The following CASK variants were observed in gnomAD, a reference collection of about 807,000 sequenced individuals.
CASK encodes peripheral plasma membrane protein CASK.
A neutral mutation model predicts 82.9 loss-of-function variants in CASK; 4 were observed. The observed-to-expected ratio is 0.05, with a 90% CI of 0.02 to 0.11. The LOEUF is 0.11. Ranked by LOEUF, CASK falls within the 10% of genes least tolerant of loss-of-function variation. The pLI, the probability that CASK is intolerant of heterozygous loss-of-function variation, is 1.00. For missense variants in CASK, 358 were observed against 720.9 expected (o/e 0.50, Z 5.76); for synonymous variants, 259 against 253.5 (o/e 1.02, Z -0.20).
At chrX:41,879,738 A>G (rs1463691783) in intron 1 of CASK, among the ~76,000 whole-genome samples, 1 of 112,153 alleles carries the variant, frequency 8.9e-6, no homozygotes, top group Non-Finnish European at 1.9e-5. Context: ...CCCAAACAGA[A>G]ATATTTGGTG....
At chrX:41,706,592 T>C (rs2067889306) in intron 5 of CASK, among the ~76,000 whole-genome samples, 1 of 112,118 alleles carries the variant, frequency 8.9e-6, no homozygotes, top group South Asian at 3.7e-4. Context: ...AGAGGATTTA[T>C]AGAAGATAAA....
intron 4 of CASK, among the ~76,000 whole-genome samples, chrX:41,743,045 T>A (rs1376417186): frequency 8.9e-6 from 1 of 112,287 alleles, no homozygotes; most frequent in Non-Finnish European, 1.9e-5. Context: ...ATCTCAAGAT[T>A]AGGAGAGACC....
intron 14 of CASK, among the ~76,000 whole-genome samples, chrX:41,582,606 C>T (rs931625328): frequency 2.1e-4 from 24 of 112,139 alleles, no homozygotes; most frequent in African/African-American, 6.1e-4. Context: ...AGCCACCATG[C>T]CTGGCCTTAT....
In CASK at chrX:41,719,382, G is replaced by A. The variant is rs143378785; in HGVS notation, c.429+20002C>T. On this transcript the variant is annotated intron_variant, in intron 5 of 26. Transcript: ENST00000378163. Reference sequence around the variant, plus strand: ...AGATGGATCCAACTCCTGGGGAGTTGGTTCACTGGATGCACAAGGAAATGC... The same window carrying A: ...AGATGGATCCAACTCCTGGGGAGTTAGTTCACTGGATGCACAAGGAAATGC... Among the ~76,000 whole-genome samples the A allele has an allele frequency of 8.8e-3, 983 of 111,989 alleles. 14 individuals are homozygous for A. The highest frequency in any genetic ancestry group is 0.031 in the African/African-American group (948 of 30,829).
At chrX:41,865,008 T>G (rs779757914) in intron 1 of CASK, among the ~76,000 whole-genome samples, 25 of 111,765 alleles carry the variant, frequency 2.2e-4, no homozygotes, top group Admixed American at 1.1e-3. Flanking sequence ...GGGAAAAAAT[T>G]TGAAAATAAG....
intron 2 of CASK, among the ~76,000 whole-genome samples, chrX:41,851,077 C>T (rs2147967523): frequency 9.0e-6 from 1 of 111,697 alleles, no homozygotes; most frequent in Non-Finnish European, 1.9e-5. Flanking sequence ...GGGCCAATTG[C>T]ATATTTTCAC....
intron 8 of CASK, among the ~76,000 whole-genome samples, chrX:41,642,013 C>G (rs761223631): frequency 4.1e-4 from 44 of 108,114 alleles, no homozygotes; most frequent in Non-Finnish European, 7.6e-4. Context: ...TTCTGTCCTT[C>G]TGATAGTTTG....
Position 41,675,633 on chromosome X carries a change from A to G in CASK, c.430-4103T>C, listed in dbSNP as rs187569152. 1.7e-4 allele frequency: 100 copies of G among 593,609 alleles called. No individual in the cohort carries two copies. In the African/African-American group the frequency reaches 1.9e-3, roughly 11 times the overall value. The allele number at this position is 593,609 out of a possible 1,213,427, so 48.9% of individuals were successfully genotyped here. A position where few individuals can be genotyped will look rare whatever the true frequency, so the allele number is the denominator to read the frequency against. ...TGAAAACCACATGGGAAACATAGAAATTCAAATAGAAGTAACATAAACCTG... is the reference window on the plus strand; with the variant it reads ...TGAAAACCACATGGGAAACATAGAAGTTCAAATAGAAGTAACATAAACCTG... On this transcript the variant is annotated intron_variant, in intron 5 of 26. Transcript: ENST00000378163.
intron 1 of CASK, among the ~76,000 whole-genome samples, chrX:41,866,146 G>A (rs941607271): frequency 2.7e-5 from 3 of 112,551 alleles, no homozygotes; most frequent in Non-Finnish European, 3.8e-5. Flanking sequence ...CAAACCACCC[G>A]TCATGGCCCC....
At chrX:41,754,910 C>T (rs1206357947) in intron 3 of CASK, among the ~76,000 whole-genome samples, 6 of 96,319 alleles carry the variant, frequency 6.2e-5, no homozygotes, top group Non-Finnish European at 1.2e-4. Flanking sequence ...GATGGAGTCT[C>T]GCTCTGTCAC....
At chrX:41,650,447 GGTTTTTTTTT>G (rs773298378) in intron 8 of CASK, among the ~76,000 whole-genome samples, 222 of 98,913 alleles carry the variant, frequency 2.2e-3, no homozygotes, top group Middle Eastern at 5.2e-3. Flanking sequence ...TGGTTTTTGT[GGTTTTTTTTT>G]GTTTTTTTTT....
Position 41,778,233 on chromosome X carries a change from A to AT in CASK, c.278+8944dup, listed in dbSNP as rs1171839577. Among the ~76,000 whole-genome samples, 522 of 104,679 alleles carry AT rather than the reference A, an allele frequency of 5.0e-3. 2 individuals are homozygous for AT. Among genetic ancestry groups the AT allele is most frequent in the Non-Finnish European group, 6.9e-3 (351 of 50,611 alleles). The allele number at this position is 104,679 out of a possible 115,157, so 90.9% of individuals were successfully genotyped here. On this transcript the variant is annotated intron_variant, in intron 3 of 26. Transcript: ENST00000378163. ...ATATGGCAAAGGTTGTACACTAAGA[A>AT]TTTTTTTTTTTTTCAAGACTGAGTC...
chrX:41,818,528 G>A (rs1601865389), intron 2 of CASK, among the ~76,000 whole-genome samples: 1 of 110,177 alleles, frequency 9.1e-6, no homozygotes, highest in East Asian at 2.8e-4. Context: ...GATTGAACCC[G>A]AGGGGTCAAG....
At chrX:41,653,162 GT>G (rs2066888704) in intron 8 of CASK, among the ~76,000 whole-genome samples, 1 of 112,626 alleles carries the variant, frequency 8.9e-6, no homozygotes. Flanking sequence ...GAGGAAAACA[GT>G]TCTGAGTTTT....
Position 41,555,717 on chromosome X carries a change from A to G in CASK, c.1807-82T>C. 8.6e-6 allele frequency: 6 copies of G among 701,423 alleles called. No homozygotes were observed. The Admixed American group carries it at 1.4e-4, about 16-fold the overall frequency. 57.8% of individuals were successfully genotyped at this position (701,423 alleles called of 1,213,427 possible). ...AGTAATTTGTGTGTTCTGTTACAAT[A>G]TGGTTAAAAAAATGAGCTAGATTTA... On this transcript the variant is annotated intron_variant, in intron 19 of 26. Transcript: ENST00000378163.
chrX:41,887,837 T>TA (rs1208660606), intron 1 of CASK, among the ~76,000 whole-genome samples: 40 of 104,865 alleles, frequency 3.8e-4, no homozygotes, highest in South Asian at 8.4e-4. Context: ...ACGTGACTCT[T>TA]AAAAAAAAAA....
At chrX:41,612,460 C>A (rs1250787788) in intron 11 of CASK, among the ~76,000 whole-genome samples, 1 of 107,876 alleles carries the variant, frequency 9.3e-6, no homozygotes, top group Non-Finnish European at 1.9e-5. Context: ...GCCCCTCCGC[C>A]CGGCAGCCAC....
intron 8 of CASK, 114 bp from the exon 9 acceptor site, chrX:41,636,775 T>C (rs773602748): frequency 2.0e-6 from 1 of 502,035 alleles, no homozygotes; most frequent in African/African-American, 2.4e-5. Flanking sequence ...GATTGAATTT[T>C]AGATTGGAGA....
chrX:41,894,890 A>T (rs1195387), intron 1 of CASK, among the ~76,000 whole-genome samples: 8,210 of 111,986 alleles, frequency 0.073, 289 homozygotes, highest in Middle Eastern at 0.17. Flanking sequence ...CTTTAAGTGG[A>T]ATTTCTAATG....
Sources: gnomAD v4.1 joint callset for allele counts (sites outside exome capture counted in the v4.1 genomes callset) on GRCh38, gnomAD v4.1.1 for gene constraint, MANE v1.5 for transcripts, NCBI Gene and HGNC (gene_info 2026-07-23, HGNC 2026-07-21) for gene names.